MARF1: variants seen among roughly 807,000 people sequenced by gnomAD.
MARF1 encodes limkain-b1.
Under a neutral mutation model 168.2 loss-of-function variants are expected in MARF1, and 24 were observed. That is an observed-to-expected ratio of 0.14 (90% confidence interval 0.10 to 0.20). MARF1 has a LOEUF of 0.20. Ranked by LOEUF, MARF1 falls within the 10% of genes least tolerant of loss-of-function variation. The probability of loss-of-function intolerance (pLI) is 1.00; values close to 1 mark genes in which losing one functional copy is unlikely to be tolerated. For synonymous variants in MARF1, 868 were observed against 822.4 expected (o/e 1.06, Z -0.95); for missense variants, 1,744 against 2,143.6 (o/e 0.81, Z 3.68).
Position 15,631,436 on chromosome 16 carries a change from ACT to A in MARF1, c.1294_1295del (p.Leu433ProfsTer19). The part of the protein sequence containing the change: ...KNAADDKLRQ[S>X]LRRFANTHTA... ...TGTGTGTATTTGCAAATCTGCGGAG[ACT>A]CTGCCGCAGTTTATCATCAGCGGCA... On this transcript the variant is annotated frameshift_variant, in exon 6 of 27. Transcript: ENST00000396368. LOFTEE classifies it high-confidence loss of function. 1 of 1,613,476 alleles carries A rather than the reference ACT, an allele frequency of 6.2e-7. No homozygotes were observed. Among genetic ancestry groups the A allele is most frequent in the Non-Finnish European group, 8.5e-7 (1 of 1,179,514 alleles).
At chr16:15,629,216 C>T (rs928080618) in intron 7 of MARF1, among the ~76,000 whole-genome samples, 1 of 152,006 alleles carries the variant, frequency 6.6e-6, no homozygotes, top group African/African-American at 2.4e-5. Flanking sequence ...TAACTACAGC[C>T]AAGTGACTAA....
Position 15,612,728 on chromosome 16 carries a change from G to T in MARF1, c.3303C>A (p.Ile1101=). ...SKSPVGNPQL[I]QFSREVIDLL... is the part of the protein sequence containing the mutation. ...AGTCAATCACTTCTCTACTGAACTG[G>T]ATCAGCTGGGGGTTACCTACAGGAC... The change falls in exon 17 of 27, where the codon ATC becomes ATA. Residue 1101 remains isoleucine (I), a synonymous_variant. Coordinates refer to ENST00000396368, the MANE Select transcript of MARF1 (RefSeq NM_014647.4). The T allele has an allele frequency of 1.2e-6, 2 of 1,614,178 alleles. No individual in the cohort carries two copies. The highest frequency in any genetic ancestry group is 1.6e-4 in the Middle Eastern group (1 of 6,062).
chr16:15,599,853 C>T (rs1027000501), intron 25 of MARF1, among the ~76,000 whole-genome samples: 9 of 152,188 alleles, frequency 5.9e-5, no homozygotes, highest in Non-Finnish European at 7.4e-5. Context: ...AGCCCTCTTC[C>T]GGATCAGGCC....
chr16:15,628,187 G>C (rs2035005588), intron 7 of MARF1, among the ~76,000 whole-genome samples: 1 of 152,034 alleles, frequency 6.6e-6, no homozygotes, highest in Non-Finnish European at 1.5e-5. Context: ...AACATGAAAA[G>C]ACATCCAAGC....
At chr16:15,606,944 C>T (rs1487514322) in intron 21 of MARF1, among the ~76,000 whole-genome samples, 1 of 152,148 alleles carries the variant, frequency 6.6e-6, no homozygotes, top group African/African-American at 2.4e-5. Flanking sequence ...GCCATTTTCT[C>T]ACCTCTCCTC....
rs560359444 is a variant in MARF1, at chr16:15,607,495, G to A, written c.4182+796C>T. Among the ~76,000 whole-genome samples the A allele has an allele frequency of 2.9e-3, 445 of 152,302 alleles. 3 individuals carry two copies. Among genetic ancestry groups the A allele is most frequent in the South Asian group, 7.3e-3 (35 of 4,822 alleles). ...ACCTGGGAGGCGGAGGTTGCAGTGA[G>A]CCAAGATCGCACCACTGCACTCTAG... is the stretch of plus-strand genomic sequence containing the variant. On this transcript the variant is annotated intron_variant, in intron 21 of 26. Coordinates refer to ENST00000396368, the MANE Select transcript of MARF1 (RefSeq NM_014647.4).
chr16:15,625,934 G>C lies in MARF1; in HGVS notation c.1525-134C>G, dbSNP rs1596484842. 7.6e-5 allele frequency: 51 copies of C among 668,600 alleles called. No homozygotes were observed. The East Asian group carries it at 1.3e-3, about 17-fold the overall frequency. The allele number at this position is 668,600 out of a possible 1,614,324, so 41.4% of individuals were successfully genotyped here. A position where few individuals can be genotyped will look rare whatever the true frequency, so the allele number is the denominator to read the frequency against. On this transcript the variant is annotated intron_variant, in intron 7 of 26. Coordinates refer to ENST00000396368, the MANE Select transcript of MARF1 (RefSeq NM_014647.4). ...GAAGATGACAGTGATTTAGATGGGA[G>C]AGGGTAAATTATTTAGTGTTGACAA...
chr16:15,615,348 G>A (rs180902896), intron 16 of MARF1, among the ~76,000 whole-genome samples: 4 of 152,082 alleles, frequency 2.6e-5, no homozygotes, highest in East Asian at 2.0e-4. Flanking sequence ...AGTCTAGGCC[G>A]GTTGCTGTGG....
chr16:15,613,099 T>C (rs2033716636), intron 16 of MARF1, among the ~76,000 whole-genome samples: 1 of 152,178 alleles, frequency 6.6e-6, no homozygotes, highest in Admixed American at 6.6e-5. Context: ...CTAGTTATAT[T>C]TCCAAGATCC....
chr16:15,597,157 A>C (rs534427401), intron 26 of MARF1, among the ~76,000 whole-genome samples: 1 of 152,344 alleles, frequency 6.6e-6, no homozygotes, highest in East Asian at 1.9e-4. Context: ...CTGGATTACA[A>C]AGTTGGAAAG....
chr16:15,600,498 C>A lies in MARF1; in HGVS notation c.4743G>T (p.Glu1581Asp). Residue 1581 changes from glutamate (E) to aspartate (D), a missense_variant, in exon 25 of 27, where the codon GAG (glutamate) becomes GAT (aspartate). Glu to Asp is a conservative substitution (Grantham distance 45, BLOSUM62 2). Transcript: ENST00000396368. The part of the protein sequence containing the change: ...SPANHENQPS[E>D]GERILEVPES... ...CGGGCACCTCCAGGATGCGCTCGCC[C>A]TCCGAGGGCTGGTTTTCATGATTGG... 1.2e-6 allele frequency: 2 copies of A among 1,614,216 alleles called. No individual in the cohort carries two copies. The highest frequency in any genetic ancestry group is 2.2e-5 in the East Asian group (1 of 44,884).
chr16:15,629,128 AG>A (rs2035073835), intron 7 of MARF1, among the ~76,000 whole-genome samples: 1 of 151,182 alleles, frequency 6.6e-6, no homozygotes, highest in Non-Finnish European at 1.5e-5. Context: ...TTCACCTCCC[AG>A]GAAAAAACAC....
intron 1 of MARF1, among the ~76,000 whole-genome samples, chr16:15,641,173 A>AG (rs1167731583): frequency 2.0e-5 from 3 of 152,146 alleles, no homozygotes. Context: ...TGCATTACAG[A>AG]GAAAAAAAAA....
At chr16:15,633,984 A>C in intron 4 of MARF1, 141 bp from the exon 5 acceptor site, 1 of 674,206 alleles carries the variant, frequency 1.5e-6, no homozygotes. Context: ...TACCAACCTC[A>C]CTGGTTGACC....
At position 15,598,767 on chromosome 16, in the gene MARF1, A is replaced by C; in HGVS notation, c.4984+87T>G. The C allele has an allele frequency of 1.6e-5, 21 of 1,330,520 alleles. No individual in the cohort carries two copies. In the South Asian group the frequency reaches 2.5e-4, roughly 16 times the overall value. The allele number at this position is 1,330,520 out of a possible 1,614,324, so 82.4% of individuals were successfully genotyped here. ...ACCTGAAAAGGGGTAGTCCCTTCCCACCTCCGTCATTTACTATATCAGTAT... is the reference window on the plus strand; with the variant it reads ...ACCTGAAAAGGGGTAGTCCCTTCCCCCCTCCGTCATTTACTATATCAGTAT... On this transcript the variant is annotated intron_variant, in intron 26 of 26. Coordinates refer to ENST00000396368, the MANE Select transcript of MARF1 (RefSeq NM_014647.4).
At chr16:15,641,492 T>C (rs2035956710) in intron 1 of MARF1, among the ~76,000 whole-genome samples, 1 of 152,208 alleles carries the variant, frequency 6.6e-6, no homozygotes, top group Non-Finnish European at 1.5e-5. Flanking sequence ...TGAGCTAACA[T>C]TCACAGTATA....
intron 7 of MARF1, 33 bp downstream of exon 7, chr16:15,630,299 G>A: frequency 6.3e-7 from 1 of 1,578,612 alleles, no homozygotes; most frequent in Admixed American, 1.7e-5. Flanking sequence ...ATGTAATATT[G>A]GAAAATGGCA....
At chr16:15,601,372 C>G (rs1200764762) in intron 23 of MARF1, 3 of 289,702 alleles carry the variant, frequency 1.0e-5, no homozygotes, top group African/African-American at 4.4e-5. Flanking sequence ...CTGCTTCTCT[C>G]GGCTCTACCA....
rs1261769910 is a variant in MARF1, at chr16:15,625,034, A to G, written c.2093T>C (p.Val698Ala). Residue 698 changes from valine to alanine, a missense_variant, in exon 9 of 27, where the codon GTT (valine) becomes GCT (alanine). Around this residue, in one of 7 missense-constraint regions of MARF1, gnomAD observed 270 missense variants for 260.6 expected, o/e 1.04. Coordinates refer to ENST00000396368, the MANE Select transcript of MARF1 (RefSeq NM_014647.4). ...TPKNSGVAEP[V>A]YKTSQKKENL... ...CACATACTTCTGACTGGTTTTGTAA[A>G]CGGGTTCTGCCACCCCCGAGTTTTT... 1 of 1,614,024 alleles carries G rather than the reference A, an allele frequency of 6.2e-7. No homozygotes were observed. Among genetic ancestry groups the G allele is most frequent in the Non-Finnish European group, 8.5e-7 (1 of 1,180,024 alleles).
Sources: allele counts gnomAD v4.1 joint callset (sites outside exome capture counted in the v4.1 genomes callset), GRCh38; gene constraint gnomAD v4.1.1; regional missense constraint gnomAD v4.1.1; transcripts MANE v1.5; gene names NCBI Gene and HGNC (gene_info 2026-07-23, HGNC 2026-07-21).